Variants in ATL1 observed in about 807,000 individuals in gnomAD.
ATL1 encodes the protein atlastin-1.
A neutral mutation model predicts 75.5 loss-of-function variants in ATL1; 31 were observed. That is an observed-to-expected ratio of 0.41 (90% CI 0.31 to 0.55). ATL1 has a LOEUF of 0.55. ATL1 is among the 20% of genes least tolerant of loss of function. The pLI, the probability that ATL1 is intolerant of heterozygous loss-of-function variation, is 0.27. For synonymous variants in ATL1, 226 were observed against 233.3 expected (o/e 0.97, Z 0.28); for missense variants, 405 against 662.6 (o/e 0.61, Z 4.27).
At chr14:50,600,688 CCTCTT>C (rs2039263731) in intron 6 of ATL1, among the ~76,000 whole-genome samples, 1 of 152,214 alleles carries the variant, frequency 6.6e-6, no homozygotes, top group African/African-American at 2.4e-5. Context: ...TCACTTCTAT[CCTCTT>C]CTCTCTGATA....
At chr14:50,570,148 T>C (rs1237286796) in intron 1 of ATL1, among the ~76,000 whole-genome samples, 10 of 152,206 alleles carry the variant, frequency 6.6e-5, no homozygotes, top group Non-Finnish European at 1.3e-4. Flanking sequence ...TTCTCTTTCT[T>C]TTCTTCTTCT....
At chr14:50,577,434 C>A (rs937599584) in intron 1 of ATL1, among the ~76,000 whole-genome samples, 1 of 152,060 alleles carries the variant, frequency 6.6e-6, no homozygotes, top group Non-Finnish European at 1.5e-5. Flanking sequence ...TCTAGTTTTT[C>A]GGTTTTGTTA....
At chr14:50,611,358 A>G (rs3015449) in intron 6 of ATL1, among the ~76,000 whole-genome samples, 1 of 152,004 alleles carries the variant, frequency 6.6e-6, no homozygotes, top group African/African-American at 2.4e-5. Flanking sequence ...GAACACATAG[A>G]AATAGTACAT....
At chr14:50,630,926 T>G (rs927154520) in intron 13 of ATL1, 21 of 455,666 alleles carry the variant, frequency 4.6e-5, no homozygotes, top group Non-Finnish European at 8.8e-5. Flanking sequence ...CAATATACAT[T>G]CACAGATCTG....
At chr14:50,626,963 C>T (rs1158021227) in intron 11 of ATL1, among the ~76,000 whole-genome samples, 1 of 152,118 alleles carries the variant, frequency 6.6e-6, no homozygotes, top group African/African-American at 2.4e-5. Flanking sequence ...AAAGCATTGG[C>T]AGGGTTAGAG....
At chr14:50,545,086 T>A (rs2038614196) in intron 1 of ATL1, among the ~76,000 whole-genome samples, 1 of 152,132 alleles carries the variant, frequency 6.6e-6, no homozygotes, top group African/African-American at 2.4e-5. Context: ...CAGGTGTTTC[T>A]GAGAACCCAA....
At chr14:50,557,125 A>G (rs868574213), upstream of ATL1, among the ~76,000 whole-genome samples, 4 of 152,166 alleles carry the variant, frequency 2.6e-5, no homozygotes, top group Admixed American at 6.5e-5. Flanking sequence ...GAGGGTGCCA[A>G]TTTCTCCACA....
Position 50,560,187 on chromosome 14 carries a change from C to T in ATL1, c.-79C>T, listed in dbSNP as rs1252890627. 1 of 1,575,164 alleles carries T rather than the reference C, an allele frequency of 6.3e-7. No individual in the cohort carries two copies. The highest frequency in any genetic ancestry group is 8.7e-7 in the Non-Finnish European group (1 of 1,153,048). On this transcript the variant is annotated 5_prime_UTR_variant, in exon 1 of 14. Coordinates refer to ENST00000358385, the MANE Select transcript of ATL1 (RefSeq NM_015915.5). ...CGCCCAGCGCGGGCACGGAGCCTCC[C>T]ACCGCCAGCAACCTGCGGCCCCGGA...
At chr14:50,612,368 A>C (rs952871045) in intron 6 of ATL1, among the ~76,000 whole-genome samples, 1 of 152,096 alleles carries the variant, frequency 6.6e-6, no homozygotes, top group Non-Finnish European at 1.5e-5. Flanking sequence ...TCATTAAGTT[A>C]TATACTTAAT....
At chr14:50,560,794 C>CGGCGCGCTGGAACAATGAGGCGG (rs2038832721) in intron 1 of ATL1, among the ~76,000 whole-genome samples, 1 of 152,164 alleles carries the variant, frequency 6.6e-6, no homozygotes, top group Non-Finnish European at 1.5e-5. Context: ...GGGCGGCGGG[C>CGGCGCGCTGGAACAATGAGGCGG]GGCGCGCTGG....
intron 6 of ATL1, among the ~76,000 whole-genome samples, chr14:50,604,113 G>T (rs1202457733): frequency 6.6e-6 from 1 of 152,028 alleles, no homozygotes; most frequent in Admixed American, 6.6e-5. Context: ...TAATGTTACC[G>T]CTCCTTCTTT....
chr14:50,617,879 G>A (rs948269976), intron 8 of ATL1, among the ~76,000 whole-genome samples: 6 of 152,270 alleles, frequency 3.9e-5, no homozygotes, highest in East Asian at 1.9e-4. Context: ...CACCACCTAC[G>A]TATGTTATGA....
chr14:50,572,614 A>G (rs1300729526), intron 1 of ATL1, among the ~76,000 whole-genome samples: 1 of 151,424 alleles, frequency 6.6e-6, no homozygotes, highest in East Asian at 1.9e-4. Flanking sequence ...CTCTATTATT[A>G]TACTTTCTTT....
intron 6 of ATL1, among the ~76,000 whole-genome samples, chr14:50,602,661 C>T (rs947884592): frequency 3.8e-4 from 57 of 151,948 alleles, no homozygotes; most frequent in African/African-American, 1.0e-3. Flanking sequence ...ATAGTGGTCA[C>T]GAAGTTCCTG....
At chr14:50,570,844 T>A (rs1566717608) in intron 1 of ATL1, among the ~76,000 whole-genome samples, 1 of 152,232 alleles carries the variant, frequency 6.6e-6, no homozygotes, top group Non-Finnish European at 1.5e-5. Context: ...AGAATTTCTC[T>A]CTTTCCCACA....
At chr14:50,584,752 G>A (rs189412400) in intron 1 of ATL1, among the ~76,000 whole-genome samples, 16 of 151,210 alleles carry the variant, frequency 1.1e-4, no homozygotes, top group African/African-American at 2.4e-4. Context: ...AAATAAAATA[G>A]AATATATATG....
chr14:50,585,808 G>A (rs1446592430), intron 1 of ATL1, among the ~76,000 whole-genome samples: 1 of 152,074 alleles, frequency 6.6e-6, no homozygotes, highest in Non-Finnish European at 1.5e-5. Context: ...CCTGTGAAAT[G>A]GCAATATAGA....
chr14:50,623,288 C>T, intron 11 of ATL1, 40 bp downstream of exon 11: 1 of 1,487,536 alleles, frequency 6.7e-7, no homozygotes, highest in Non-Finnish European at 9.4e-7. Context: ...TAAACAAAAC[C>T]AGTATCCTTC....
At chr14:50,553,508 G>A (rs938383769) in intron 1 of ATL1, among the ~76,000 whole-genome samples, 2 of 152,138 alleles carry the variant, frequency 1.3e-5, no homozygotes, top group East Asian at 1.9e-4. Context: ...TGGTGGGAAT[G>A]TAAACTAGTA....
Sources: allele counts gnomAD v4.1 joint callset (sites outside exome capture counted in the v4.1 genomes callset), GRCh38; gene constraint gnomAD v4.1.1; transcripts MANE v1.5; gene names NCBI Gene and HGNC (gene_info 2026-07-23, HGNC 2026-07-21).